MAST4: variants seen among roughly 807,000 people sequenced by gnomAD.
MAST4 encodes microtubule-associated serine/threonine-protein kinase 4.
In MAST4, 89 loss-of-function variants were observed where a neutral mutation model predicts 162.7. The ratio of observed to expected loss-of-function variants is 0.55; its 90% CI spans 0.46 to 0.65. MAST4 has a LOEUF of 0.65. MAST4 is among the 30% of genes least tolerant of loss of function. The pLI is 0.00. For missense variants in MAST4, 3,153 were observed against 3,374.0 expected (o/e 0.93, Z 1.62); for synonymous variants, 1,479 against 1,361.1 (o/e 1.09, Z -1.91).
intron 27 of MAST4, 53 bp from the exon 28 acceptor site, chr5:67,162,554 G>T: frequency 6.5e-7 from 1 of 1,545,778 alleles, no homozygotes. Context: ...ATTTTGGGGA[G>T]GCAGCAATAG....
intron 1 of MAST4, among the ~76,000 whole-genome samples, chr5:66,741,059 C>T (rs1213908740): frequency 2.0e-5 from 3 of 152,176 alleles, no homozygotes; most frequent in South Asian, 2.1e-4. Flanking sequence ...ATTGCTCACC[C>T]ACCTTGCTTG....
chr5:66,623,124 T>A (rs939848690), intron 1 of MAST4: 6 of 152,188 alleles, frequency 3.9e-5, no homozygotes, highest in Non-Finnish European at 7.3e-5. Context: ...AACCCTGATA[T>A]CCAGTGGGTC....
At chr5:66,903,416 G>A (rs1763133364) in intron 4 of MAST4, among the ~76,000 whole-genome samples, 1 of 149,630 alleles carries the variant, frequency 6.7e-6, no homozygotes, top group Non-Finnish European at 1.5e-5. Flanking sequence ...TAACAATGAT[G>A]TAAACATTCT....
intron 1 of MAST4, among the ~76,000 whole-genome samples, chr5:66,747,097 GGTGTGTGTGTGTGTGT>G (rs138318051): frequency 4.4e-4 from 64 of 145,990 alleles, no homozygotes; most frequent in Non-Finnish European, 7.7e-4. Context: ...GCATGCGCAT[GGTGTGTGTGTGTGTGT>G]GTGTGTGTGT....
chr5:66,868,491 C>CT (rs59614413), intron 3 of MAST4, among the ~76,000 whole-genome samples: 4,293 of 135,628 alleles, frequency 0.032, 112 homozygotes, highest in African/African-American at 0.058. Context: ...CCATCACAAA[C>CT]TTTTTTTTTT....
At chr5:67,003,931 C>T (rs373482818) in intron 4 of MAST4, 1 of 152,166 alleles carries the variant, frequency 6.6e-6, no homozygotes. Flanking sequence ...ATTTAGTTTA[C>T]TGAGGTTTTC....
Position 67,138,457 on chromosome 5 carries a change from G to A in MAST4, c.2494+1793G>A, listed in dbSNP as rs960580526. 3.9e-5 allele frequency among the ~76,000 whole-genome samples: 6 copies of A among 152,168 alleles called. No individual in the cohort carries two copies. The East Asian group carries it at 5.8e-4, about 15-fold the overall frequency. ...GTGGTTTGTTTGTTTGTTTAGAGAT[G>A]GCATCTCACTCTGTCACCCAGGCTG... On this transcript the variant is annotated intron_variant, in intron 19 of 28. Transcript: ENST00000403625.
At chr5:66,820,881 A>G (rs1405164223) in intron 3 of MAST4, among the ~76,000 whole-genome samples, 1 of 152,220 alleles carries the variant, frequency 6.6e-6, no homozygotes, top group African/African-American at 2.4e-5. Context: ...GCCAGAAATA[A>G]TAAGAGAAAA....
At chr5:66,957,853 A>G (rs1012149686) in intron 4 of MAST4, among the ~76,000 whole-genome samples, 1 of 152,326 alleles carries the variant, frequency 6.6e-6, no homozygotes, top group East Asian at 1.9e-4. Context: ...GCATAAAACC[A>G]TGGAAAGCAG....
intron 4 of MAST4, among the ~76,000 whole-genome samples, chr5:67,016,837 A>G (rs1753343322): frequency 2.0e-5 from 3 of 152,246 alleles, no homozygotes; most frequent in Non-Finnish European, 2.9e-5. Flanking sequence ...TTATCTACAC[A>G]TTTCAAAATC....
chr5:67,143,160 C>T (rs1166363804), intron 21 of MAST4: 5 of 152,176 alleles, frequency 3.3e-5, no homozygotes, highest in African/African-American at 1.2e-4. Flanking sequence ...GTGGCTCACG[C>T]CTCTAATCTC....
intron 3 of MAST4, among the ~76,000 whole-genome samples, chr5:66,854,307 G>A (rs1759520925): frequency 1.3e-5 from 2 of 152,172 alleles, no homozygotes; most frequent in Admixed American, 6.5e-5. Flanking sequence ...ATCATGATTA[G>A]TGTGTATACT....
intron 4 of MAST4, among the ~76,000 whole-genome samples, chr5:66,910,729 GTT>G (rs796681892): frequency 8.9e-6 from 1 of 112,804 alleles, no homozygotes; most frequent in Admixed American, 1.0e-4. Context: ...TACACATGTG[GTT>G]TTTTTTTTTC....
intron 4 of MAST4, among the ~76,000 whole-genome samples, chr5:66,922,423 G>A (rs1032967902): frequency 6.6e-6 from 1 of 152,100 alleles, no homozygotes; most frequent in African/African-American, 2.4e-5. Flanking sequence ...GTAACTTCCA[G>A]GTTAACTCAT....
At chr5:67,124,829 G>A (rs576068181) in intron 14 of MAST4, among the ~76,000 whole-genome samples, 40 of 152,280 alleles carry the variant, frequency 2.6e-4, no homozygotes, top group African/African-American at 9.1e-4. Context: ...GACTAAAGCC[G>A]TTTTTTATAT....
chr5:66,930,756 G>A (rs913294183), intron 4 of MAST4: 11 of 470,708 alleles, frequency 2.3e-5, no homozygotes, highest in African/African-American at 8.0e-5. Flanking sequence ...GCAACTGAGC[G>A]ATTCTCTGAC....
intron 3 of MAST4, among the ~76,000 whole-genome samples, chr5:66,834,343 C>A (rs953063004): frequency 2.0e-5 from 3 of 152,002 alleles, no homozygotes; most frequent in Non-Finnish European, 4.4e-5. Context: ...GGACCTGTGA[C>A]CTTAGGTAAA....
intron 1 of MAST4, among the ~76,000 whole-genome samples, chr5:66,647,014 C>T (rs897753386): frequency 6.6e-6 from 1 of 152,170 alleles, no homozygotes. Flanking sequence ...ATGCCCTCTG[C>T]TTCCAAATGT....
chr5:67,166,209 A>G lies in MAST4; in HGVS notation c.7030A>G (p.Thr2344Ala), dbSNP rs1172390642. Residue 2344 changes from threonine (T) to alanine (A), a missense_variant, in exon 29 of 29, where the codon ACC (threonine) becomes GCC (alanine). This residue lies in a region of MAST4 where 1,644 missense variants were observed against 1,495.0 expected (regional missense o/e 1.10). Coordinates refer to ENST00000403625, the MANE Select transcript of MAST4 (RefSeq NM_001164664.2). ...PKPSTVKDCP[T>A]LCKQTDNRQT... ...ACCATCCACTGTGAAAGATTGCCCCACCCTGTGCAAACAGACAGACAACAG... is the reference window on the plus strand; with the variant it reads ...ACCATCCACTGTGAAAGATTGCCCCGCCCTGTGCAAACAGACAGACAACAG... 12 of 1,552,604 alleles carry G rather than the reference A, an allele frequency of 7.7e-6. No homozygotes were observed. The highest frequency in any genetic ancestry group is 1.0e-5 in the Non-Finnish European group (12 of 1,147,480).
Sources: gnomAD v4.1 joint callset for allele counts (sites outside exome capture counted in the v4.1 genomes callset) on GRCh38, gnomAD v4.1.1 for gene constraint, gnomAD v4.1.1 regional missense constraint, MANE v1.5 for transcripts, NCBI Gene and HGNC (gene_info 2026-07-23, HGNC 2026-07-21) for gene names.